The following GOSR1 variants were observed in gnomAD, a reference collection of about 807,000 sequenced individuals.
GOSR1 encodes the protein 28 kDa Golgi SNARE protein.
GOSR1 carries 21 observed loss-of-function variants against 35.5 expected under a neutral mutation model. The observed-to-expected ratio is 0.59, with a 90% CI of 0.42 to 0.85. The LOEUF (loss-of-function observed/expected upper bound fraction) is 0.85, where lower values mean the gene tolerates loss of function less well. Among genes scored for constraint, GOSR1 ranks in the 40% least tolerant of loss-of-function variants. The pLI is 0.00. For synonymous variants in GOSR1, 94 were observed against 106.6 expected (o/e 0.88, Z 0.73); for missense variants, 285 against 309.6 (o/e 0.92, Z 0.60).
In GOSR1 at chr17:30,484,739, A is replaced by G; in HGVS notation, c.311A>G (p.His104Arg). The G allele has an allele frequency of 6.3e-7, 1 of 1,593,732 alleles. No homozygotes were observed. Residue 104 changes from histidine (H) to arginine (R), a missense_variant, in exon 4 of 9, where the codon CAT (histidine) becomes CGT (arginine). This residue lies in a region of GOSR1 where 168 missense variants were observed against 183.2 expected (regional missense o/e 0.92). Transcript: ENST00000451249. The part of the protein sequence containing the change: ...GVPSLNAALM[H>R]TLQRHRDILQ... ...CCCTCCTTGAATGCAGCCCTGATGC[A>G]TACATTACAGCGGCATAGAGACATA...
Position 30,523,872 on chromosome 17 carries a change from A to G in GOSR1, c.*1494A>G. The G allele has an allele frequency of 4.6e-6, 1 of 216,084 alleles. No individual in the cohort carries two copies. The highest frequency in any genetic ancestry group is 9.0e-6 in the Non-Finnish European group (1 of 111,676). The allele number at this position is 216,084 out of a possible 1,614,324, so 13.4% of individuals were successfully genotyped here. On this transcript the variant is annotated 3_prime_UTR_variant, in exon 9 of 9. Transcript: ENST00000451249. ...AGACTTTTCATTTTGTTCTGTACTA[A>G]GAAAAATTCTTCTGCCTTGGGATCC...
intron 5 of GOSR1, among the ~76,000 whole-genome samples, chr17:30,491,734 A>G (rs1459297883): frequency 6.6e-6 from 1 of 152,124 alleles, no homozygotes; most frequent in Non-Finnish European, 1.5e-5. Flanking sequence ...AAGTATATGT[A>G]GTAGTTTACA....
intron 4 of GOSR1, among the ~76,000 whole-genome samples, chr17:30,487,598 A>G (rs908989350): frequency 6.6e-6 from 1 of 152,244 alleles, no homozygotes; most frequent in Non-Finnish European, 1.5e-5. Flanking sequence ...GATTTTTCAC[A>G]TGTCAGATTA....
rs866098969 is a variant in GOSR1 at position 30,523,651 on chromosome 17, G to C, written c.*1273G>C. On this transcript the variant is annotated 3_prime_UTR_variant, in exon 9 of 9. Transcript: ENST00000451249. ...GGGGCGCCTCTGCCCGGCCGCCCCT[G>C]CCCGGCCGCCCCTACTGGGAAGTGA... The C allele has an allele frequency of 1.2e-5, 1 of 86,782 alleles. No individual in the cohort carries two copies. Among genetic ancestry groups the C allele is most frequent in the Non-Finnish European group, 2.1e-5 (1 of 46,676 alleles). 5.4% of individuals were successfully genotyped at this position (86,782 alleles called of 1,614,324 possible).
intron 6 of GOSR1, among the ~76,000 whole-genome samples, chr17:30,505,713 G>C (rs1967375720): frequency 6.6e-6 from 1 of 152,112 alleles, no homozygotes; most frequent in Non-Finnish European, 1.5e-5. Context: ...AATAAATGTT[G>C]TGTATGTGTG....
At chr17:30,477,616 T>A in intron 1 of GOSR1, 152 bp downstream of exon 1, 1 of 1,381,936 alleles carries the variant, frequency 7.2e-7, no homozygotes, top group Non-Finnish European at 9.5e-7. Context: ...CCCGGGGCCT[T>A]GGGGATACCG....
At position 30,496,913 on chromosome 17, in the gene GOSR1, G is replaced by A. The variant is rs146253213; in HGVS notation, c.509+4160G>A. ...CATAGAAGTACTCTCTGATTTATGG[G>A]CATGTCATTGATTACAACTAGAATT... On this transcript the variant is annotated intron_variant, in intron 6 of 8. Transcript: ENST00000451249. 4.5e-4 allele frequency among the ~76,000 whole-genome samples: 69 copies of A among 152,264 alleles called. 1 individual carries two copies. The highest frequency in any genetic ancestry group is 1.7e-3 in the African/African-American group (69 of 41,542).
intron 4 of GOSR1, among the ~76,000 whole-genome samples, chr17:30,487,896 C>T (rs529314223): frequency 2.6e-5 from 4 of 152,276 alleles, no homozygotes; most frequent in South Asian, 2.1e-4. Context: ...CTGCCTCGGC[C>T]TCCCGAGTAG....
At chr17:30,483,283 A>C (rs956172364) in intron 2 of GOSR1, among the ~76,000 whole-genome samples, 1 of 152,198 alleles carries the variant, frequency 6.6e-6, no homozygotes, top group Non-Finnish European at 1.5e-5. Context: ...CCTGATGAAT[A>C]TATGAATACA....
chr17:30,495,083 G>T (rs1296758461), intron 6 of GOSR1, among the ~76,000 whole-genome samples: 1 of 150,660 alleles, frequency 6.6e-6, no homozygotes, highest in Non-Finnish European at 1.5e-5. Flanking sequence ...AACTACTTGG[G>T]AGGCTGAGGC....
At chr17:30,501,867 A>C (rs1320276562) in intron 6 of GOSR1, among the ~76,000 whole-genome samples, 2 of 152,206 alleles carry the variant, frequency 1.3e-5, no homozygotes, top group Non-Finnish European at 2.9e-5. Context: ...GATTTACCTA[A>C]ATGAGTTGAA....
intron 7 of GOSR1, among the ~76,000 whole-genome samples, chr17:30,513,931 G>A (rs1967705422): frequency 6.6e-6 from 1 of 152,206 alleles, no homozygotes; most frequent in African/African-American, 2.4e-5. Flanking sequence ...GGCACAGTGA[G>A]GCCGTGTCTC....
intron 6 of GOSR1, among the ~76,000 whole-genome samples, chr17:30,505,484 C>A (rs144433095): frequency 6.6e-6 from 1 of 152,276 alleles, no homozygotes; most frequent in African/African-American, 2.4e-5. Flanking sequence ...TTTACAGATA[C>A]TATTTTTTAC....
At chr17:30,488,717 T>C (rs1914840803) in intron 4 of GOSR1, among the ~76,000 whole-genome samples, 1 of 151,022 alleles carries the variant, frequency 6.6e-6, no homozygotes, top group Admixed American at 6.6e-5. Flanking sequence ...TTTGTGTTTT[T>C]AGTAGAGACG....
intron 6 of GOSR1, among the ~76,000 whole-genome samples, chr17:30,510,374 G>A (rs1049049404): frequency 1.3e-5 from 2 of 152,062 alleles, no homozygotes; most frequent in African/African-American, 4.8e-5. Flanking sequence ...GTGCCTGGTC[G>A]TAAGATGGAA....
Position 30,492,675 on chromosome 17 carries a change from C to T in GOSR1, c.435-4C>T. The T allele has an allele frequency of 6.5e-7, 1 of 1,547,396 alleles. No individual in the cohort carries two copies. Among genetic ancestry groups the T allele is most frequent in the Non-Finnish European group, 8.9e-7 (1 of 1,121,814 alleles). ...ATGTTTTTAAATTTTCTCTTTTGTC[C>T]CAGGTCATATAAAAGTGGGTCTGGA... is the stretch of plus-strand genomic sequence containing the variant. On this transcript the variant is annotated splice_region_variant and splice_polypyrimidine_tract_variant and intron_variant, in intron 5 of 8. Coordinates refer to ENST00000451249, the MANE Select transcript of GOSR1 (RefSeq NM_001007025.2).
intron 4 of GOSR1, among the ~76,000 whole-genome samples, chr17:30,488,366 G>A (rs573048725): frequency 4.0e-5 from 6 of 150,608 alleles, no homozygotes; most frequent in Admixed American, 6.6e-5. Flanking sequence ...GGGTTTCACC[G>A]TGTTAGCCAG....
At position 30,521,167 on chromosome 17, in the gene GOSR1, C is replaced by CTTTTTTTT. The variant is rs71360748; in HGVS notation, c.623-1065_623-1058dup. On this transcript the variant is annotated intron_variant, in intron 8 of 8. Transcript: ENST00000451249. The stretch of plus-strand genomic sequence containing the variant: ...CATCTCTCCCATAAGTTCTCTCTCT[C>CTTTTTTTT]TTTTTTTTTTTTTTTTTTTTTTTTT... Among the ~76,000 whole-genome samples, 7 of 64,224 alleles carry CTTTTTTTT rather than the reference C, an allele frequency of 1.1e-4. 2 individuals carry two copies. Among genetic ancestry groups the CTTTTTTTT allele is most frequent in the East Asian group, 5.9e-4 (1 of 1,682 alleles). 42.1% of individuals were successfully genotyped at this position (64,224 alleles called of 152,430 possible). A position where few individuals can be genotyped will look rare whatever the true frequency, so the allele number is the denominator to read the frequency against.
intron 6 of GOSR1, among the ~76,000 whole-genome samples, chr17:30,509,181 T>G (rs1967522789): frequency 6.6e-6 from 1 of 152,194 alleles, no homozygotes; most frequent in Non-Finnish European, 1.5e-5. Flanking sequence ...TTCACTGTGT[T>G]GGGCAGGCTG....
Sources: gnomAD v4.1 joint callset for allele counts (sites outside exome capture counted in the v4.1 genomes callset) on GRCh38, gnomAD v4.1.1 for gene constraint, gnomAD v4.1.1 regional missense constraint, MANE v1.5 for transcripts, NCBI Gene and HGNC (gene_info 2026-07-23, HGNC 2026-07-21) for gene names.